The following CCSER1 variants were observed in gnomAD, a reference collection of about 807,000 sequenced individuals.
CCSER1 encodes the protein serine-rich coiled-coil domain-containing protein 1.
A neutral mutation model predicts 82.0 loss-of-function variants in CCSER1; 41 were observed. The observed-to-expected ratio is 0.50, with a 90% CI of 0.39 to 0.65. The LOEUF (loss-of-function observed/expected upper bound fraction) is 0.65, where lower values mean the gene tolerates loss of function less well. CCSER1 is among the 30% of genes least tolerant of loss of function. CCSER1 has a pLI of 0.00. For synonymous variants in CCSER1, 414 were observed against 383.9 expected (o/e 1.08, Z -0.92); for missense variants, 1,119 against 1,064.2 (o/e 1.05, Z -0.72).
intron 7 of CCSER1, among the ~76,000 whole-genome samples, chr4:90,778,758 G>T (rs1753313757): frequency 2.7e-5 from 4 of 146,616 alleles, no homozygotes; most frequent in African/African-American, 1.0e-4. Flanking sequence ...AGAGATAAGG[G>T]ATAGAGATTG....
chr4:90,503,602 C>T (rs1467424579), intron 5 of CCSER1, among the ~76,000 whole-genome samples: 1 of 152,036 alleles, frequency 6.6e-6, no homozygotes, highest in Non-Finnish European at 1.5e-5. Context: ...GTGATGTTCC[C>T]TTTCCTGTGT....
At chr4:90,363,846 A>T (rs1005323942) in intron 3 of CCSER1, among the ~76,000 whole-genome samples, 6 of 151,994 alleles carry the variant, frequency 3.9e-5, no homozygotes. Flanking sequence ...AGTGTGGAAA[A>T]ATTTTCCTAT....
intron 10 of CCSER1, among the ~76,000 whole-genome samples, chr4:91,473,778 C>T (rs929015777): frequency 2.6e-5 from 4 of 151,970 alleles, no homozygotes; most frequent in Non-Finnish European, 5.9e-5. Context: ...AACTATGGGC[C>T]TGTTATCTCA....
chr4:90,391,466 A>G lies in CCSER1; in HGVS notation c.1510-8570A>G, dbSNP rs1398523308. ...GGGGTATATATATATATATATATATATATATATATATATATATATACACAC... is the reference window on the plus strand; with the variant it reads ...GGGGTATATATATATATATATATATGTATATATATATATATATATACACAC... On this transcript the variant is annotated intron_variant, in intron 3 of 10. Transcript: ENST00000509176. 2.5e-3 allele frequency among the ~76,000 whole-genome samples: 230 copies of G among 91,392 alleles called. 8 individuals carry two copies. Among genetic ancestry groups the G allele is most frequent in the African/African-American group, 0.013 (226 of 16,876 alleles). 60.0% of individuals were successfully genotyped at this position (91,392 alleles called of 152,430 possible).
At chr4:91,149,964 T>C (rs966560541) in intron 10 of CCSER1, among the ~76,000 whole-genome samples, 5 of 152,000 alleles carry the variant, frequency 3.3e-5, no homozygotes, top group Admixed American at 2.6e-4. Context: ...CAATGCAGGC[T>C]TTTTTTTGGT....
chr4:90,332,450 G>C (rs1207623205), intron 3 of CCSER1, among the ~76,000 whole-genome samples: 1 of 151,980 alleles, frequency 6.6e-6, no homozygotes, highest in African/African-American at 2.4e-5. Context: ...TGGTCAGGCT[G>C]GTCTCAAACT....
At chr4:90,260,884 T>A (rs1724210162) in intron 1 of CCSER1, among the ~76,000 whole-genome samples, 1 of 152,076 alleles carries the variant, frequency 6.6e-6, no homozygotes, top group South Asian at 2.1e-4. Flanking sequence ...CCTGGCTAAT[T>A]TTTCTATTTT....
chr4:91,131,986 T>C (rs1728041024), intron 10 of CCSER1, among the ~76,000 whole-genome samples: 1 of 152,016 alleles, frequency 6.6e-6, no homozygotes, highest in Non-Finnish European at 1.5e-5. Context: ...CTAGATTATA[T>C]ATTGTTTTAA....
intron 1 of CCSER1, among the ~76,000 whole-genome samples, chr4:90,212,206 A>G (rs983991071): frequency 1.3e-5 from 2 of 152,170 alleles, no homozygotes; most frequent in African/African-American, 4.8e-5. Flanking sequence ...TAAAGAGCTC[A>G]AGTTTTGAGG....
At chr4:90,523,012 C>A (rs1235466658) in intron 5 of CCSER1, among the ~76,000 whole-genome samples, 1 of 151,990 alleles carries the variant, frequency 6.6e-6, no homozygotes, top group Non-Finnish European at 1.5e-5. Flanking sequence ...CCTCTTTACC[C>A]CTGCTCCTAC....
chr4:91,452,571 C>A (rs1955376), intron 10 of CCSER1, among the ~76,000 whole-genome samples: 2 of 151,934 alleles, frequency 1.3e-5, no homozygotes, highest in Admixed American at 6.6e-5. Flanking sequence ...ATGATACAGC[C>A]AAAGTGATAA....
intron 10 of CCSER1, among the ~76,000 whole-genome samples, chr4:91,348,104 C>G (rs959533159): frequency 6.6e-6 from 1 of 152,010 alleles, no homozygotes; most frequent in Admixed American, 6.6e-5. Flanking sequence ...ATGATGTTAG[C>G]TGTAAGTGTT....
chr4:90,923,657 A>AT (rs2150252158), intron 9 of CCSER1: 3 of 425,112 alleles, frequency 7.1e-6, no homozygotes, highest in East Asian at 7.3e-5. Context: ...TGCCTTATTA[A>AT]TTTTTTTACA....
chr4:90,623,128 C>T lies in CCSER1; in HGVS notation c.1725-4897C>T, dbSNP rs183550269. On this transcript the variant is annotated intron_variant, in intron 5 of 10. Transcript: ENST00000509176. Reference sequence around the variant, plus strand: ...CTGCAAGCTTCGCCCCCCAGGTTCACGCCATTCTCCTGCCTCAGCCTCCAG... The same window carrying T: ...CTGCAAGCTTCGCCCCCCAGGTTCATGCCATTCTCCTGCCTCAGCCTCCAG... Among the ~76,000 whole-genome samples, 452 of 150,650 alleles carry T rather than the reference C, an allele frequency of 3.0e-3. 12 individuals carry two copies. Among genetic ancestry groups the T allele is most frequent in the Non-Finnish European group, 8.7e-4 (59 of 67,730 alleles).
At chr4:90,610,470 C>T (rs916344557) in intron 5 of CCSER1, among the ~76,000 whole-genome samples, 2 of 151,916 alleles carry the variant, frequency 1.3e-5, no homozygotes, top group Non-Finnish European at 2.9e-5. Context: ...ATTGCTTAAA[C>T]GTATTCATAC....
rs186011406 is a variant in CCSER1 at position 90,366,382 on chromosome 4, A to T, written c.1510-33654A>T. Among the ~76,000 whole-genome samples the T allele has an allele frequency of 2.6e-5, 4 of 151,946 alleles. No homozygotes were observed. In the East Asian group the frequency reaches 7.7e-4, roughly 29 times the overall value. On this transcript the variant is annotated intron_variant, in intron 3 of 10. Coordinates refer to ENST00000509176, the MANE Select transcript of CCSER1 (RefSeq NM_001145065.2). ...GTTTAACTTTTTAAATTGTAAATTAACAATTCATAAGTGTATAAATTTATG... is the reference window on the plus strand; with the variant it reads ...GTTTAACTTTTTAAATTGTAAATTATCAATTCATAAGTGTATAAATTTATG...
In CCSER1 at chr4:90,141,271, C is replaced by A. The variant is rs141852754; in HGVS notation, c.-42+13440C>A. ...CCCACCCCACATTATCAAGGGTAATCTGCTTTACTTAAATGATTGTACATA... is the reference window on the plus strand; with the variant it reads ...CCCACCCCACATTATCAAGGGTAATATGCTTTACTTAAATGATTGTACATA... On this transcript the variant is annotated intron_variant, in intron 1 of 10. Transcript: ENST00000509176. 2.1e-3 allele frequency among the ~76,000 whole-genome samples: 321 copies of A among 152,278 alleles called. 4 individuals are homozygous for A. Among genetic ancestry groups the A allele is most frequent in the African/African-American group, 6.6e-3 (276 of 41,548 alleles).
At chr4:90,770,284 G>A (rs1580386523) in intron 7 of CCSER1, among the ~76,000 whole-genome samples, 1 of 152,282 alleles carries the variant, frequency 6.6e-6, no homozygotes, top group African/African-American at 2.4e-5. Flanking sequence ...TGTGTGAGAT[G>A]ATAAATACTT....
chr4:91,285,121 T>C lies in CCSER1; in HGVS notation c.2217+199127T>C, dbSNP rs77432124. Among the ~76,000 whole-genome samples the C allele has an allele frequency of 5.9e-3, 904 of 152,098 alleles. 13 individuals are homozygous for C. The highest frequency in any genetic ancestry group is 0.021 in the African/African-American group (853 of 41,542). ...CATCTCAAATTGTCCTTTGCTCTTA[T>C]TTCTTTTCATAGGTCTCTCTATCGT... On this transcript the variant is annotated intron_variant, in intron 10 of 10. Coordinates refer to ENST00000509176, the MANE Select transcript of CCSER1 (RefSeq NM_001145065.2).
Sources: allele counts gnomAD v4.1 joint callset (sites outside exome capture counted in the v4.1 genomes callset), GRCh38; gene constraint gnomAD v4.1.1; transcripts MANE v1.5; gene names NCBI Gene and HGNC (gene_info 2026-07-23, HGNC 2026-07-21).